Variants in MAN1B1 observed in about 807,000 individuals in gnomAD.
MAN1B1 encodes the protein endoplasmic reticulum mannosyl-oligosaccharide 1,2-alpha-mannosidase.
MAN1B1 carries 66 observed loss-of-function variants against 75.5 expected under a neutral mutation model. The ratio of observed to expected loss-of-function variants is 0.87; its 90% CI spans 0.72 to 1.07. The LOEUF (loss-of-function observed/expected upper bound fraction) is 1.07. MAN1B1 is among the 50% of genes least tolerant of loss of function. The pLI is 0.00. For synonymous variants in MAN1B1, 453 were observed against 382.8 expected (o/e 1.18, Z -2.14); for missense variants, 973 against 912.5 (o/e 1.07, Z -0.85).
chr9:137,107,351 T>C lies in MAN1B1; in HGVS notation c.1668T>C (p.Cys556=). 3.7e-6 allele frequency: 6 copies of C among 1,613,358 alleles called. No homozygotes were observed. Among genetic ancestry groups the C allele is most frequent in the Non-Finnish European group, 5.1e-6 (6 of 1,180,004 alleles). ...MELAQELMET[C]YQMNRQMETG... ...TGGCCCAGGAGCTCATGGAGACTTG[T>C]TACCAGATGAACCGGCAGATGGAGA... Residue 556 remains cysteine (C), a synonymous_variant, in exon 11 of 13, where the codon TGT becomes TGC. Coordinates refer to ENST00000371589, the MANE Select transcript of MAN1B1 (RefSeq NM_016219.5).
At chr9:137,107,927 G>C in intron 12 of MAN1B1, 1 of 645,740 alleles carries the variant, frequency 1.5e-6, no homozygotes, top group Non-Finnish European at 2.8e-6. Flanking sequence ...GTCTAGGGAG[G>C]GTCTCTGCTG....
In MAN1B1 at chr9:137,088,961, A is replaced by G. The variant is rs1830450185; in HGVS notation, c.421A>G (p.Lys141Glu). ...ANPPVLPAPQ[K>E]ADTDPENLPE... ...TCCACCCGTCTTACCAGCTCCTCAG[A>G]AGGCGGACACCGACCCTGAGAACTT... Residue 141 changes from lysine (K) to glutamate (E), a missense_variant, in exon 3 of 13, where the codon AAG (lysine) becomes GAG (glutamate). Coordinates refer to ENST00000371589, the MANE Select transcript of MAN1B1 (RefSeq NM_016219.5). The G allele has an allele frequency of 6.2e-7, 1 of 1,613,918 alleles. No individual in the cohort carries two copies.
intron 2 of MAN1B1, chr9:137,088,438 C>T (rs762425994): frequency 6.5e-6 from 10 of 1,546,862 alleles, no homozygotes; most frequent in Middle Eastern, 1.7e-4. Context: ...TAGAGTAAGT[C>T]AGCTGGTGGG....
intron 8 of MAN1B1, 62 bp from the exon 9 acceptor site, chr9:137,106,063 C>G (rs1284737426): frequency 7.3e-7 from 1 of 1,375,858 alleles, no homozygotes; most frequent in Non-Finnish European, 1.0e-6. Flanking sequence ...CAGAGCCCCT[C>G]TACAGCTCAC....
rs1831196111 is a variant in MAN1B1 at position 137,108,438 on chromosome 9, G to T, written c.1947G>T (p.Lys649Asn). ...SSINNVQDPQ[K>N]PEPRDKMESF... Reference sequence around the variant, plus strand: ...TCAACAATGTCCAGGATCCTCAGAAGCCCGAGCCTAGGGACAAGATGGAGA... The same window carrying T: ...TCAACAATGTCCAGGATCCTCAGAATCCCGAGCCTAGGGACAAGATGGAGA... The change falls in exon 13 of 13, where the codon AAG becomes AAT. Residue 649 changes from lysine (K) to asparagine (N), a missense_variant. Physicochemically the swap from Lys to Asn is moderately conservative, Grantham distance 94. Coordinates refer to ENST00000371589, the MANE Select transcript of MAN1B1 (RefSeq NM_016219.5). 6.2e-7 allele frequency: 1 copy of T among 1,613,912 alleles called. No individual in the cohort carries two copies. Among genetic ancestry groups the T allele is most frequent in the Non-Finnish European group, 8.5e-7 (1 of 1,180,020 alleles).
intron 8 of MAN1B1, chr9:137,103,577 A>C (rs1315520264): frequency 2.3e-6 from 1 of 432,816 alleles, no homozygotes; most frequent in Non-Finnish European, 4.6e-6. Flanking sequence ...ACACATTCAC[A>C]CTTGCAGGCG....
intron 12 of MAN1B1, 50 bp from the exon 13 acceptor site, chr9:137,108,338 G>A: frequency 1.3e-6 from 2 of 1,485,780 alleles, no homozygotes; most frequent in Non-Finnish European, 1.9e-6. Flanking sequence ...GAGGCTGAGG[G>A]GGGTGCAGGG....
chr9:137,101,877 GGT>G (rs1462118935), intron 8 of MAN1B1: 4 of 716,236 alleles, frequency 5.6e-6, no homozygotes, highest in South Asian at 3.0e-5. Context: ...GCAGGTCGGT[GGT>G]GTTACACACA....
At chr9:137,106,966 C>T (rs1452171358) in intron 10 of MAN1B1, among the ~76,000 whole-genome samples, 157 bp downstream of exon 10, 5 of 152,276 alleles carry the variant, frequency 3.3e-5, no homozygotes, top group African/African-American at 1.2e-4. Flanking sequence ...GTCTTGGCAA[C>T]AGGGCAGTAA....
At chr9:137,102,090 C>A in intron 8 of MAN1B1, 4 of 451,490 alleles carry the variant, frequency 8.9e-6, no homozygotes, top group Non-Finnish European at 1.8e-5. Context: ...GTGTTACATG[C>A]TGTTGCAGGC....
chr9:137,108,118 T>C, intron 12 of MAN1B1: 1 of 610,460 alleles, frequency 1.6e-6, no homozygotes, highest in East Asian at 2.7e-5. Context: ...CCCTGTGCCC[T>C]GTGCCCTGTG....
At chr9:137,094,589 C>A (rs1475386497) in intron 3 of MAN1B1, among the ~76,000 whole-genome samples, 1 of 150,702 alleles carries the variant, frequency 6.6e-6, no homozygotes, top group Non-Finnish European at 1.5e-5. Context: ...AAAAAAAAAA[C>A]AGGCTGGGGC....
rs761090959 is a variant in MAN1B1 at position 137,108,416 on chromosome 9, A to G, written c.1925A>G (p.Asn642Ser). Residue 642 changes from asparagine (N) to serine (S), a missense_variant, in exon 13 of 13, where the codon AAC (asparagine) becomes AGC (serine). Physicochemically the swap from Asn to Ser is conservative, Grantham distance 46 (BLOSUM62 1). Coordinates refer to ENST00000371589, the MANE Select transcript of MAN1B1 (RefSeq NM_016219.5). ...CCCTCGGGTGGCTATTCTTCCATCA[A>G]CAATGTCCAGGATCCTCAGAAGCCC... is the stretch of plus-strand genomic sequence containing the variant. ...RVPSGGYSSI[N>S]NVQDPQKPEP... 29 of 1,613,806 alleles carry G rather than the reference A, an allele frequency of 1.8e-5. No homozygotes were observed. The highest frequency in any genetic ancestry group is 2.2e-5 in the East Asian group (1 of 44,876).
At chr9:137,105,939 T>C (rs1588649759) in intron 8 of MAN1B1, 186 bp from the exon 9 acceptor site, 2 of 699,718 alleles carry the variant, frequency 2.9e-6, no homozygotes, top group East Asian at 5.4e-5. Flanking sequence ...GGTGGCTGTG[T>C]GGCTGTGTGG....
In MAN1B1 at chr9:137,107,454, C is replaced by T. The variant is rs770883422; in HGVS notation, c.1764+7C>T. On this transcript the variant is annotated splice_region_variant and intron_variant, in intron 11 of 12. Transcript: ENST00000371589. Reference sequence around the variant, plus strand: ...TCGGGACGTGGAGGTCAAGGTGGGCCTGGGCCTGGGTCAGGGTCCATCAGG... The same window carrying T: ...TCGGGACGTGGAGGTCAAGGTGGGCTTGGGCCTGGGTCAGGGTCCATCAGG... 1.2e-6 allele frequency: 2 copies of T among 1,613,280 alleles called. No homozygotes were observed. The highest frequency in any genetic ancestry group is 1.7e-6 in the Non-Finnish European group (2 of 1,179,978).
intron 8 of MAN1B1, chr9:137,103,003 C>A: frequency 2.4e-6 from 1 of 411,012 alleles, no homozygotes; most frequent in Admixed American, 2.8e-5. Context: ...TACATTCATA[C>A]TGTTGCAGGC....
At chr9:137,087,284 C>T (rs1223389346) in intron 1 of MAN1B1, 66 bp downstream of exon 1, 3 of 1,517,908 alleles carry the variant, frequency 2.0e-6, no homozygotes, top group Non-Finnish European at 8.9e-7. Context: ...CAGACTGCGG[C>T]TCCGAGCGGG....
At chr9:137,107,846 G>A in intron 12 of MAN1B1, 184 bp downstream of exon 12, 1 of 759,102 alleles carries the variant, frequency 1.3e-6, no homozygotes, top group Non-Finnish European at 2.2e-6. Flanking sequence ...CATCCCCACT[G>A]AGCTTCATGG....
In MAN1B1 at chr9:137,101,536, C is replaced by T. The variant is rs1432733968; in HGVS notation, c.1118C>T (p.Pro373Leu). The T allele has an allele frequency of 2.5e-6, 4 of 1,613,828 alleles. No homozygotes were observed. The highest frequency in any genetic ancestry group is 3.4e-6 in the Non-Finnish European group (4 of 1,180,054). ...GCCTTCAGAACACCATCCAAGATTC[C>T]TTACTCGGATGTGAACATCGGTACT... Reference protein sequence around the residue: ...MPAFRTPSKIPYSDVNIGTGV... With the variant: ...MPAFRTPSKILYSDVNIGTGV... Residue 373 changes from proline (P) to leucine (L), a missense_variant, in exon 8 of 13, where the codon CCT becomes CTT. By Grantham distance (98) the Pro-to-Leu change is moderately conservative. Coordinates refer to ENST00000371589, the MANE Select transcript of MAN1B1 (RefSeq NM_016219.5).
Sources: allele counts gnomAD v4.1 joint callset (sites outside exome capture counted in the v4.1 genomes callset), GRCh38; gene constraint gnomAD v4.1.1; transcripts MANE v1.5; gene names NCBI Gene and HGNC (gene_info 2026-07-23, HGNC 2026-07-21).